Variants in OLA1 observed in about 807,000 individuals in gnomAD.
The protein encoded by OLA1 is Obg like ATPase 1.
A neutral mutation model predicts 48.4 loss-of-function variants in OLA1; 14 were observed. The ratio of observed to expected loss-of-function variants is 0.29; its 90% confidence interval spans 0.19 to 0.45. The LOEUF (loss-of-function observed/expected upper bound fraction) is 0.45. OLA1 is among the 20% of genes least tolerant of loss of function. The probability of loss-of-function intolerance (pLI) is 1.00; values close to 1 mark genes in which losing one functional copy is unlikely to be tolerated. For missense variants in OLA1, 325 were observed against 467.1 expected (o/e 0.70, Z 2.80); for synonymous variants, 127 against 150.4 (o/e 0.84, Z 1.14).
At chr2:174,209,892 T>C (rs917191756) in intron 4 of OLA1, among the ~76,000 whole-genome samples, 1 of 152,224 alleles carries the variant, frequency 6.6e-6, no homozygotes, top group Admixed American at 6.5e-5. Flanking sequence ...TGTGTAACAA[T>C]GTTCACTTCA....
chr2:174,227,209 A>G (rs1350599955), intron 3 of OLA1, among the ~76,000 whole-genome samples: 2 of 152,062 alleles, frequency 1.3e-5, no homozygotes, highest in African/African-American at 2.4e-5. Context: ...GTTCAAGACC[A>G]CCCTGGGGCA....
At chr2:174,194,409 G>A (rs1490604226) in intron 4 of OLA1, among the ~76,000 whole-genome samples, 1 of 152,056 alleles carries the variant, frequency 6.6e-6, no homozygotes, top group African/African-American at 2.4e-5. Flanking sequence ...AGTTGAGTGT[G>A]GGTTCATGTC....
intron 4 of OLA1, among the ~76,000 whole-genome samples, chr2:174,159,091 A>C (rs372257488): frequency 6.6e-6 from 1 of 152,174 alleles, no homozygotes; most frequent in Admixed American, 6.5e-5. Context: ...TGACTAATCA[A>C]GGCTGTTTTG....
At chr2:174,087,030 T>C (rs1392431973) in intron 7 of OLA1, among the ~76,000 whole-genome samples, 15 of 150,246 alleles carry the variant, frequency 1.0e-4, no homozygotes, top group East Asian at 1.9e-4. Context: ...TTTCTTTTTT[T>C]CTTTTTTTTT....
At chr2:174,231,782 T>C (rs1164339891) in intron 2 of OLA1, among the ~76,000 whole-genome samples, 3 of 151,976 alleles carry the variant, frequency 2.0e-5, no homozygotes, top group Admixed American at 6.6e-5. Flanking sequence ...TAAAAAGAAA[T>C]AAGGAAGAAG....
intron 5 of OLA1, among the ~76,000 whole-genome samples, chr2:174,139,884 A>G (rs1238649206): frequency 1.4e-5 from 2 of 144,956 alleles, no homozygotes; most frequent in African/African-American, 4.9e-5. Context: ...AAAAAAAGAA[A>G]GAAAGAAAGA....
intron 4 of OLA1, among the ~76,000 whole-genome samples, chr2:174,144,959 T>A (rs865905512): frequency 0.064 from 6,421 of 99,770 alleles, 309 homozygotes; most frequent in Non-Finnish European, 0.093. Context: ...AAAATATATA[T>A]ATATATATAT....
chr2:174,084,295 T>C lies in OLA1; in HGVS notation c.729-2231A>G, dbSNP rs574660391. Among the ~76,000 whole-genome samples the C allele has an allele frequency of 2.0e-5, 3 of 152,312 alleles. No homozygotes were observed. The East Asian group carries it at 5.8e-4, about 29-fold the overall frequency. The stretch of plus-strand genomic sequence containing the variant: ...AAAGTGACTGACATCAGACCTGCTA[T>C]AGCCTCACTAAAAGAAAAAGGTACC... On this transcript the variant is annotated intron_variant, in intron 7 of 10. Transcript: ENST00000284719.
intron 7 of OLA1, among the ~76,000 whole-genome samples, chr2:174,092,463 G>A (rs1685151334): frequency 6.6e-6 from 1 of 152,070 alleles, no homozygotes; most frequent in East Asian, 1.9e-4. Context: ...CCAGGAGTTT[G>A]AGACCAGCCT....
At chr2:174,229,562 C>T (rs1559016652) in intron 2 of OLA1, 111 bp from the exon 3 acceptor site, 1 of 736,406 alleles carries the variant, frequency 1.4e-6, no homozygotes, top group Non-Finnish European at 2.2e-6. Flanking sequence ...TAAAACCAAT[C>T]TACAAAGAGA....
chr2:174,192,017 A>G (rs576359708), intron 4 of OLA1, among the ~76,000 whole-genome samples: 30 of 152,138 alleles, frequency 2.0e-4, no homozygotes, highest in African/African-American at 6.3e-4. Context: ...CTTGCTAGCA[A>G]TTTTCTACTT....
chr2:174,113,921 G>A (rs1412625024), intron 7 of OLA1, among the ~76,000 whole-genome samples: 2 of 152,172 alleles, frequency 1.3e-5, no homozygotes, highest in East Asian at 3.9e-4. Flanking sequence ...ATATCTGCTT[G>A]ATAAGTATAA....
intron 4 of OLA1, among the ~76,000 whole-genome samples, chr2:174,144,937 A>ATATAT: frequency 1.9e-5 from 1 of 52,374 alleles, no homozygotes. Context: ...GTTTAAAAAA[A>ATATAT]AAAAAAAAAA....
intron 4 of OLA1, among the ~76,000 whole-genome samples, chr2:174,147,023 A>G (rs938935995): frequency 6.6e-6 from 1 of 152,188 alleles, no homozygotes; most frequent in African/African-American, 2.4e-5. Context: ...CAACTGCAGG[A>G]TGGTCAACCA....
intron 4 of OLA1, among the ~76,000 whole-genome samples, chr2:174,187,912 T>G (rs1687690221): frequency 6.6e-6 from 1 of 152,172 alleles, no homozygotes. Context: ...AATAAGGTGG[T>G]GACTGTGAAG....
At chr2:174,140,682 T>C (rs1686426319) in intron 5 of OLA1, among the ~76,000 whole-genome samples, 1 of 152,064 alleles carries the variant, frequency 6.6e-6, no homozygotes, top group Non-Finnish European at 1.5e-5. Flanking sequence ...CCATCATGGG[T>C]CTAGTACATG....
At chr2:174,094,650 A>T (rs1257421837) in intron 7 of OLA1, among the ~76,000 whole-genome samples, 1 of 152,222 alleles carries the variant, frequency 6.6e-6, no homozygotes. Flanking sequence ...CTGATTTTTT[A>T]AAAAATTGGG....
intron 5 of OLA1, among the ~76,000 whole-genome samples, chr2:174,126,678 GA>G (rs935312018): frequency 6.6e-6 from 1 of 152,154 alleles, no homozygotes; most frequent in African/African-American, 2.4e-5. Context: ...GGAGTGTTGT[GA>G]AGATTAAAAG....
chr2:174,181,142 A>T (rs1048830285), intron 4 of OLA1, among the ~76,000 whole-genome samples: 1 of 152,170 alleles, frequency 6.6e-6, no homozygotes, highest in Non-Finnish European at 1.5e-5. Context: ...AAAAAACATG[A>T]TTTGCTAATA....
Sources: allele counts gnomAD v4.1 joint callset (sites outside exome capture counted in the v4.1 genomes callset), GRCh38; gene constraint gnomAD v4.1.1; transcripts MANE v1.5; gene names NCBI Gene and HGNC (gene_info 2026-07-23, HGNC 2026-07-21).